Variants in C8orf34 observed in about 807,000 individuals in gnomAD.
The protein encoded by C8orf34 is chromosome 8 open reading frame 34, also known as uncharacterized protein C8orf34.
Under a neutral mutation model 68.3 loss-of-function variants are expected in C8orf34, and 65 were observed. That is an observed-to-expected ratio of 0.95 (90% CI 0.78 to 1.17). C8orf34 has a LOEUF of 1.17. C8orf34 is among the 50% of genes most tolerant of loss of function. C8orf34 has a pLI of 0.00. For missense variants in C8orf34, 664 were observed against 655.4 expected (o/e 1.01, Z -0.14); for synonymous variants, 244 against 241.2 (o/e 1.01, Z -0.11).
chr8:68,421,915 G>A (rs1372795427), intron 1 of C8orf34, among the ~76,000 whole-genome samples: 2 of 152,176 alleles, frequency 1.3e-5, no homozygotes, highest in Non-Finnish European at 2.9e-5. Context: ...GAGAATAAAT[G>A]CAAACAGGGG....
intron 12 of C8orf34, among the ~76,000 whole-genome samples, chr8:68,807,259 G>T (rs1481218880): frequency 6.6e-6 from 1 of 152,156 alleles, no homozygotes; most frequent in Non-Finnish European, 1.5e-5. Flanking sequence ...GAAAACAAAA[G>T]AATTTGAAGA....
intron 11 of C8orf34, among the ~76,000 whole-genome samples, chr8:68,786,447 A>G (rs1823848517): frequency 6.6e-6 from 1 of 152,188 alleles, no homozygotes; most frequent in Non-Finnish European, 1.5e-5. Flanking sequence ...ATTTTTAAGG[A>G]CGGAAAAGAT....
At chr8:68,499,170 C>T (rs1813659117) in intron 5 of C8orf34, among the ~76,000 whole-genome samples, 1 of 152,148 alleles carries the variant, frequency 6.6e-6, no homozygotes, top group African/African-American at 2.4e-5. Context: ...TAAGTGAGAA[C>T]ATGTGGTATT....
At chr8:68,392,164 T>C (rs1489043903) in intron 1 of C8orf34, among the ~76,000 whole-genome samples, 2 of 152,080 alleles carry the variant, frequency 1.3e-5, no homozygotes, top group African/African-American at 4.8e-5. Context: ...TGTTTTCTCT[T>C]ATATATTCTT....
intron 1 of C8orf34, among the ~76,000 whole-genome samples, chr8:68,394,599 A>G (rs1036019810): frequency 2.6e-5 from 4 of 152,100 alleles, no homozygotes; most frequent in Admixed American, 1.3e-4. Flanking sequence ...TGAGTGCCAA[A>G]TATTTTACAA....
At chr8:68,566,764 C>A (rs1256402405) in intron 7 of C8orf34, among the ~76,000 whole-genome samples, 5 of 152,220 alleles carry the variant, frequency 3.3e-5, no homozygotes, top group African/African-American at 4.8e-5. Context: ...GCTTTCTTAT[C>A]ATTCATGTGT....
At chr8:68,676,756 C>A (rs987489108) in intron 8 of C8orf34, among the ~76,000 whole-genome samples, 35 of 152,088 alleles carry the variant, frequency 2.3e-4, no homozygotes, top group African/African-American at 8.2e-4. Context: ...TAAAGACATA[C>A]CTGAGACTAG....
chr8:68,492,779 T>C (rs116592484), intron 5 of C8orf34, among the ~76,000 whole-genome samples: 3 of 146,556 alleles, frequency 2.0e-5, no homozygotes, highest in African/African-American at 7.6e-5. Context: ...CTGCAGAAAG[T>C]GTGCTCACCC....
At chr8:68,451,345 T>C (rs113011787) in intron 3 of C8orf34, among the ~76,000 whole-genome samples, 2,901 of 152,256 alleles carry the variant, frequency 0.019, 45 homozygotes, top group Middle Eastern at 0.034. Flanking sequence ...ACTTATAATT[T>C]TCTTCAAGAA....
intron 1 of C8orf34, among the ~76,000 whole-genome samples, chr8:68,372,388 C>A (rs1380188704): frequency 6.6e-6 from 1 of 152,110 alleles, no homozygotes; most frequent in Non-Finnish European, 1.5e-5. Flanking sequence ...ATCTCAGAGA[C>A]CCAGTCCCTC....
rs537002242 is a variant in C8orf34, at chr8:68,432,495, A to C, written c.328-7004A>C. On this transcript the variant is annotated intron_variant, in intron 1 of 13. Transcript: ENST00000518698. ...CCAGCTAATTTTGTATTTTTAGTAG[A>C]CAGGGTTTCACCATGTTGGTCAGGC... Among the ~76,000 whole-genome samples the C allele has an allele frequency of 6.6e-5, 10 of 152,050 alleles. No individual in the cohort carries two copies. In the South Asian group the frequency reaches 2.1e-3, roughly 32 times the overall value.
At chr8:68,754,530 C>T (rs1422444520) in intron 10 of C8orf34, among the ~76,000 whole-genome samples, 1 of 152,136 alleles carries the variant, frequency 6.6e-6, no homozygotes, top group African/African-American at 2.4e-5. Flanking sequence ...TAAACTGAAC[C>T]CATCCAAATT....
At chr8:68,471,733 G>C (rs1812385565) in intron 4 of C8orf34, among the ~76,000 whole-genome samples, 1 of 151,982 alleles carries the variant, frequency 6.6e-6, no homozygotes, top group South Asian at 2.1e-4. Context: ...AAGGCTGAAA[G>C]TTTTTAGTGA....
At chr8:68,810,266 A>G (rs933874679) in intron 12 of C8orf34, among the ~76,000 whole-genome samples, 1 of 152,202 alleles carries the variant, frequency 6.6e-6, no homozygotes, top group East Asian at 1.9e-4. Context: ...ACAGCCAGGC[A>G]TGCTGGCTGC....
At position 68,524,626 on chromosome 8, in the gene C8orf34, G is replaced by A. The variant is rs73683550; in HGVS notation, c.938+2655G>A. 8.9e-3 allele frequency among the ~76,000 whole-genome samples: 1,348 copies of A among 152,290 alleles called. 23 individuals carry two copies. Among genetic ancestry groups the A allele is most frequent in the African/African-American group, 0.031 (1,286 of 41,560 alleles). On this transcript the variant is annotated intron_variant, in intron 6 of 13. Transcript: ENST00000518698. ...TGGGAAATGATTGAAGTCTTTCTGTGAGTGTCAGATCCTACCAATTGGTAT... is the reference window on the plus strand; with the variant it reads ...TGGGAAATGATTGAAGTCTTTCTGTAAGTGTCAGATCCTACCAATTGGTAT...
chr8:68,677,757 T>G (rs191473836), intron 8 of C8orf34, among the ~76,000 whole-genome samples: 207 of 151,914 alleles, frequency 1.4e-3, no homozygotes, highest in African/African-American at 4.8e-3. Flanking sequence ...TAAATGAAAT[T>G]GAAATGAAGA....
At chr8:68,446,698 TGAA>T in intron 3 of C8orf34, 1 of 484,136 alleles carries the variant, frequency 2.1e-6, no homozygotes, top group Non-Finnish European at 3.6e-6. Flanking sequence ...TAATATTCCT[TGAA>T]GAATATAAAC....
chr8:68,525,497 T>C, intron 6 of C8orf34: 1 of 672,954 alleles, frequency 1.5e-6, no homozygotes, highest in South Asian at 1.9e-5. Context: ...GCATTTTATT[T>C]GTAAGTATGT....
At chr8:68,718,330 ACCTATATATATCCTTCAGCTT>A (rs1240127580) in intron 9 of C8orf34, among the ~76,000 whole-genome samples, 1 of 152,102 alleles carries the variant, frequency 6.6e-6, no homozygotes, top group African/African-American at 2.4e-5. Context: ...ACCAATCTTT[ACCTATATATATCCTTCAGCTT>A]CTCATTTACA....
Sources: gnomAD v4.1 joint callset for allele counts (sites outside exome capture counted in the v4.1 genomes callset) on GRCh38, gnomAD v4.1.1 for gene constraint, MANE v1.5 for transcripts, NCBI Gene and HGNC (gene_info 2026-07-23, HGNC 2026-07-21) for gene names.